CNTNAP3: variants seen among roughly 807,000 people sequenced by gnomAD.
CNTNAP3 encodes the protein contactin-associated protein-like 3.
A neutral mutation model predicts 92.1 loss-of-function variants in CNTNAP3; 36 were observed. The observed-to-expected ratio is 0.39, with a 90% CI of 0.30 to 0.52. The LOEUF (loss-of-function observed/expected upper bound fraction) is 0.52. Among genes scored for constraint, CNTNAP3 ranks in the 20% least tolerant of loss-of-function variants. The probability of loss-of-function intolerance (pLI) is 0.76; values close to 1 mark genes in which losing one functional copy is unlikely to be tolerated. For synonymous variants in CNTNAP3, 232 were observed against 422.3 expected, an observed-to-expected ratio of 0.55 and a Z score of 5.53; for missense variants, 534 against 1,069.6, an observed-to-expected ratio of 0.50 and a Z score of 6.98.
chr9:39,093,399 C>A (rs1464203690), intron 18 of CNTNAP3, among the ~76,000 whole-genome samples: 1 of 143,922 alleles, frequency 6.9e-6, no homozygotes, highest in African/African-American at 2.5e-5. Flanking sequence ...TAATTTGCCA[C>A]TTAACCATTT....
chr9:39,087,660 G>A (rs959375004), intron 19 of CNTNAP3, among the ~76,000 whole-genome samples: 2 of 152,084 alleles, frequency 1.3e-5, no homozygotes, highest in Non-Finnish European at 2.9e-5. Context: ...CTCATTTTTT[G>A]TATTTTTAGT....
At chr9:39,104,630 C>T (rs1007040751) in intron 15 of CNTNAP3, among the ~76,000 whole-genome samples, 1 of 152,128 alleles carries the variant, frequency 6.6e-6, no homozygotes, top group Non-Finnish European at 1.5e-5. Context: ...ATTCCTCAGG[C>T]CTCTTTAGTG....
intron 11 of CNTNAP3, among the ~76,000 whole-genome samples, chr9:39,141,310 T>C (rs1488287918): frequency 6.6e-6 from 1 of 152,154 alleles, no homozygotes; most frequent in Non-Finnish European, 1.5e-5. Context: ...TTCTGTAAAG[T>C]TTTTCTTAAG....
chr9:39,104,603 G>A (rs1783936645), intron 15 of CNTNAP3, among the ~76,000 whole-genome samples: 1 of 151,748 alleles, frequency 6.6e-6, no homozygotes, highest in Non-Finnish European at 1.5e-5. Flanking sequence ...CCCATCACAG[G>A]ACTGCACATC....
At chr9:39,136,802 G>C (rs948356502) in intron 12 of CNTNAP3, among the ~76,000 whole-genome samples, 1 of 152,058 alleles carries the variant, frequency 6.6e-6, no homozygotes, top group Non-Finnish European at 1.5e-5. Context: ...TCAGGAGGCT[G>C]AGGCAGGAGA....
intron 12 of CNTNAP3, among the ~76,000 whole-genome samples, chr9:39,137,449 G>A (rs1258415367): frequency 6.6e-6 from 1 of 152,080 alleles, no homozygotes; most frequent in Admixed American, 6.5e-5. Context: ...AATTATAGTT[G>A]TTTAAAGTCC....
At chr9:39,081,915 A>G (rs1391611352) in intron 21 of CNTNAP3, among the ~76,000 whole-genome samples, 7 of 131,362 alleles carry the variant, frequency 5.3e-5, no homozygotes, top group Admixed American at 7.3e-5. Flanking sequence ...CATCTCTACT[A>G]AAAATACAAA....
At chr9:39,110,084 C>T (rs1166103638) in intron 14 of CNTNAP3, among the ~76,000 whole-genome samples, 8 of 152,166 alleles carry the variant, frequency 5.3e-5, no homozygotes, top group Non-Finnish European at 7.4e-5. Flanking sequence ...CTGTGAAACA[C>T]TGCTCCCAGT....
intron 12 of CNTNAP3, among the ~76,000 whole-genome samples, chr9:39,135,067 G>C (rs1821398653): frequency 6.6e-6 from 1 of 152,104 alleles, no homozygotes; most frequent in Non-Finnish European, 1.5e-5. Context: ...GAGTAGAATA[G>C]TAACCAGGGA....
intron 14 of CNTNAP3, among the ~76,000 whole-genome samples, chr9:39,115,154 C>G (rs1693128): frequency 6.7e-6 from 1 of 149,356 alleles, no homozygotes; most frequent in African/African-American, 2.5e-5. Context: ...GGACAACTTA[C>G]GGAAAAATGG....
intron 16 of CNTNAP3, 146 bp downstream of exon 16, chr9:39,103,598 A>C (rs1826521214): frequency 9.2e-7 from 1 of 1,091,022 alleles, no homozygotes; most frequent in Non-Finnish European, 1.3e-6. Context: ...TCAAAAAAAA[A>C]AAAATTACCT....
At chr9:39,124,259 C>T (rs765461206) in intron 13 of CNTNAP3, among the ~76,000 whole-genome samples, 1 of 151,928 alleles carries the variant, frequency 6.6e-6, no homozygotes, top group Non-Finnish European at 1.5e-5. Context: ...CAAAGGCTAC[C>T]ACTAAAACAA....
rs1024819222 is a variant in CNTNAP3, at chr9:39,068,095, G to A, written c.*5795C>T. On this transcript the variant is annotated 3_prime_UTR_variant, in exon 24 of 24. Transcript: ENST00000297668. ...GTATAGTACTAAAGAGATATGCAGTGCATGTGCGATATTAAAATTTCAGGG... is the reference window on the plus strand; with the variant it reads ...GTATAGTACTAAAGAGATATGCAGTACATGTGCGATATTAAAATTTCAGGG... Among the ~76,000 whole-genome samples, 1 of 152,312 alleles carries A rather than the reference G, an allele frequency of 6.6e-6. No homozygotes were observed. The highest frequency in any genetic ancestry group is 2.4e-5 in the African/African-American group (1 of 41,488).
At chr9:39,090,925 G>C (rs988862874) in intron 18 of CNTNAP3, among the ~76,000 whole-genome samples, 5 of 152,148 alleles carry the variant, frequency 3.3e-5, no homozygotes, top group African/African-American at 1.2e-4. Flanking sequence ...TGCTATGTAT[G>C]TTATTCTTTT....
chr9:39,067,954 A>C lies in CNTNAP3; in HGVS notation c.*5936T>G, dbSNP rs1405847489. 1.4e-4 allele frequency among the ~76,000 whole-genome samples: 21 copies of C among 152,288 alleles called. No homozygotes were observed. Among genetic ancestry groups the C allele is most frequent in the Admixed American group, 1.4e-3 (21 of 15,274 alleles). On this transcript the variant is annotated 3_prime_UTR_variant, in exon 24 of 24. Transcript: ENST00000297668. Reference sequence around the variant, plus strand: ...CCTCTATTCATGGTTGTATGTGAACATGCACTCTCAGTGAGAGTAATATTG... The same window carrying C: ...CCTCTATTCATGGTTGTATGTGAACCTGCACTCTCAGTGAGAGTAATATTG...
chr9:39,138,536 T>G (rs140636938), intron 12 of CNTNAP3, among the ~76,000 whole-genome samples: 2,479 of 152,272 alleles, frequency 0.016, 37 homozygotes, highest in African/African-American at 0.057. Context: ...AAGACCTTGT[T>G]AAGAAGAACA....
intron 21 of CNTNAP3, among the ~76,000 whole-genome samples, chr9:39,079,867 T>G (rs1825889766): frequency 7.4e-6 from 1 of 135,826 alleles, no homozygotes; most frequent in Non-Finnish European, 1.5e-5. Flanking sequence ...ATTGCATGGT[T>G]CTTTCTCCCC....
chr9:39,149,515 A>AT (rs1373632899), intron 10 of CNTNAP3, among the ~76,000 whole-genome samples: 1 of 117,150 alleles, frequency 8.5e-6, no homozygotes, highest in South Asian at 2.8e-4. Flanking sequence ...ACGCCTGGCT[A>AT]ATTTTTTTTT....
At chr9:39,152,481 GA>G (rs1157442598) in intron 9 of CNTNAP3, among the ~76,000 whole-genome samples, 1 of 146,872 alleles carries the variant, frequency 6.8e-6, no homozygotes, top group African/African-American at 2.6e-5. Context: ...GAATGGGATA[GA>G]GAGTGAACTT....
Sources: gnomAD v4.1 joint callset for allele counts (sites outside exome capture counted in the v4.1 genomes callset) on GRCh38, gnomAD v4.1.1 for gene constraint, MANE v1.5 for transcripts, NCBI Gene and HGNC (gene_info 2026-07-23, HGNC 2026-07-21) for gene names.